BORA: variants seen among roughly 807,000 people sequenced by gnomAD.
BORA encodes the protein protein aurora borealis.
A neutral mutation model predicts 55.8 loss-of-function variants in BORA; 26 were observed. The observed-to-expected ratio is 0.47, with a 90% CI of 0.34 to 0.65. The LOEUF (loss-of-function observed/expected upper bound fraction) is 0.65, where lower values mean the gene tolerates loss of function less well. Among genes scored for constraint, BORA ranks in the 30% least tolerant of loss-of-function variants. BORA has a pLI of 0.01. For synonymous variants in BORA, 201 were observed against 216.9 expected (o/e 0.93, Z 0.64); for missense variants, 568 against 671.5 (o/e 0.85, Z 1.70).
chr13:72,727,948 C>T lies in BORA; in HGVS notation c.-75C>T, dbSNP rs1208702049. 7.7e-6 allele frequency: 12 copies of T among 1,550,632 alleles called. No individual in the cohort carries two copies. Among genetic ancestry groups the T allele is most frequent in the Non-Finnish European group, 1.0e-5 (12 of 1,146,992 alleles). On this transcript the variant is annotated 5_prime_UTR_variant, in exon 1 of 12. Coordinates refer to ENST00000390667, the MANE Select transcript of BORA (RefSeq NM_024808.5). ...AAAGAGTCTATGCCTGTCGTGGAAG[C>T]TGGCCTGGCCCCCGGAGCTCCCTGG...
chr13:72,739,759 G>A (rs1355439719), intron 5 of BORA, among the ~76,000 whole-genome samples: 1 of 152,072 alleles, frequency 6.6e-6, no homozygotes, highest in Non-Finnish European at 1.5e-5. Context: ...CCATGATTAG[G>A]AGAGACACAA....
chr13:72,735,490 G>C (rs8002241), intron 4 of BORA, among the ~76,000 whole-genome samples: 63 of 152,094 alleles, frequency 4.1e-4, no homozygotes, highest in African/African-American at 1.5e-3. Flanking sequence ...ATCTCTTACT[G>C]TTAAACAGGA....
chr13:72,741,835 G>A (rs920608432), intron 5 of BORA, among the ~76,000 whole-genome samples: 2 of 152,278 alleles, frequency 1.3e-5, no homozygotes, highest in Admixed American at 1.3e-4. Flanking sequence ...GGGGAGAAAA[G>A]GCAGGGAGGA....
intron 3 of BORA, among the ~76,000 whole-genome samples, chr13:72,733,371 A>G (rs940470381): frequency 2.0e-5 from 3 of 152,320 alleles, no homozygotes; most frequent in African/African-American, 7.2e-5. Context: ...GCAAAGGCTC[A>G]ACATTCAGGC....
chr13:72,746,913 A>G lies in BORA; in HGVS notation c.1284A>G (p.Lys428=), dbSNP rs1246513610. 1.2e-6 allele frequency: 2 copies of G among 1,614,142 alleles called. No homozygotes were observed. Among genetic ancestry groups the G allele is most frequent in the Non-Finnish European group, 1.7e-6 (2 of 1,179,996 alleles). The part of the protein sequence containing the change: ...LALLQDVERE[K]DNNTVDMVDP... ...TGTTGCAGGATGTTGAAAGGGAGAA[A>G]GACAATAACACTGTGGATATGGTTG... The change falls in exon 10 of 12, where the codon AAA becomes AAG. Residue 428 remains lysine, a synonymous_variant. Coordinates refer to ENST00000390667, the MANE Select transcript of BORA (RefSeq NM_024808.5).
rs531119727 is a variant in BORA, at chr13:72,754,314, CTT to C, written c.1614+507_1614+508del. 1.5e-3 allele frequency: 209 copies of C among 140,834 alleles called. 1 individual carries two copies. Among genetic ancestry groups the C allele is most frequent in the Middle Eastern group, 3.4e-3 (1 of 292 alleles). 8.7% of individuals were successfully genotyped at this position (140,834 alleles called of 1,614,324 possible). A position where few individuals can be genotyped will look rare whatever the true frequency, so the allele number is the denominator to read the frequency against. ...GCCTTGTATGCCGTTTCTTTTTTTT[CTT>C]TTTTTTTTTTTTTGAGACAGGGTCT... On this transcript the variant is annotated intron_variant, in intron 11 of 11. Coordinates refer to ENST00000390667, the MANE Select transcript of BORA (RefSeq NM_024808.5).
intron 8 of BORA, 113 bp downstream of exon 8, chr13:72,745,320 C>A: frequency 1.2e-6 from 1 of 860,492 alleles, no homozygotes; most frequent in Non-Finnish European, 1.8e-6. Context: ...TGCTTTCTGT[C>A]TCTAGTAAAT....
intron 8 of BORA, 64 bp from the exon 9 acceptor site, chr13:72,745,880 C>A: frequency 7.2e-7 from 1 of 1,382,486 alleles, no homozygotes; most frequent in Non-Finnish European, 9.8e-7. Flanking sequence ...TGATAAATAG[C>A]ATGCAGCATA....
At chr13:72,740,388 G>A (rs947699284) in intron 5 of BORA, among the ~76,000 whole-genome samples, 3 of 152,120 alleles carry the variant, frequency 2.0e-5, no homozygotes, top group Admixed American at 6.5e-5. Flanking sequence ...TTGCCAAGTT[G>A]GGTAGAATCT....
chr13:72,755,374 A>G lies in BORA; in HGVS notation c.*158A>G. On this transcript the variant is annotated 3_prime_UTR_variant, in exon 12 of 12. Transcript: ENST00000390667. Reference sequence around the variant, plus strand: ...AAATCAAGGGCTTACTGACATAGGAACAACAGAAATGCTCCTGGAACTTCA... The same window carrying G: ...AAATCAAGGGCTTACTGACATAGGAGCAACAGAAATGCTCCTGGAACTTCA... The G allele has an allele frequency of 1.8e-6, 1 of 560,846 alleles. No individual in the cohort carries two copies. Among genetic ancestry groups the G allele is most frequent in the Non-Finnish European group, 3.1e-6 (1 of 322,006 alleles). 34.7% of individuals were successfully genotyped at this position (560,846 alleles called of 1,614,324 possible).
At chr13:72,747,794 A>G (rs1232675285) in intron 10 of BORA, among the ~76,000 whole-genome samples, 1 of 152,058 alleles carries the variant, frequency 6.6e-6, no homozygotes, top group Non-Finnish European at 1.5e-5. Context: ...CAGCCTCCCA[A>G]AGTGCTGGGA....
At chr13:72,728,236 C>G (rs770130918) in intron 1 of BORA, 1 of 713,904 alleles carries the variant, frequency 1.4e-6, no homozygotes, top group African/African-American at 1.7e-5. Context: ...CAGAAGTAGA[C>G]TCTTTTCCAC....
chr13:72,742,038 A>G (rs1237228357), intron 5 of BORA, among the ~76,000 whole-genome samples: 2 of 152,196 alleles, frequency 1.3e-5, no homozygotes, highest in Non-Finnish European at 2.9e-5. Flanking sequence ...CAGAGAGAGT[A>G]TTGATTACAT....
At chr13:72,734,694 A>G (rs1169628999) in intron 3 of BORA, among the ~76,000 whole-genome samples, 3 of 152,206 alleles carry the variant, frequency 2.0e-5, no homozygotes, top group Admixed American at 2.0e-4. Context: ...TTTAATATCA[A>G]TGTAAGTCTT....
At chr13:72,752,931 G>A (rs2033316973) in intron 10 of BORA, 1 of 152,186 alleles carries the variant, frequency 6.6e-6, no homozygotes, top group Admixed American at 6.5e-5. Flanking sequence ...GCATTATACA[G>A]GTAAATGGAG....
intron 3 of BORA, among the ~76,000 whole-genome samples, chr13:72,732,323 T>C (rs188974545): frequency 3.8e-4 from 58 of 152,248 alleles, no homozygotes; most frequent in Middle Eastern, 6.8e-3. Flanking sequence ...CCCAGAGTGT[T>C]AATAGGAAGG....
intron 9 of BORA, among the ~76,000 whole-genome samples, 156 bp from the exon 10 acceptor site, chr13:72,746,345 G>A (rs1450116098): frequency 6.6e-6 from 1 of 152,146 alleles, no homozygotes; most frequent in Non-Finnish European, 1.5e-5. Flanking sequence ...TTCCATTTGT[G>A]CTATTGTTTT....
At chr13:72,732,645 C>G (rs2032843355) in intron 3 of BORA, among the ~76,000 whole-genome samples, 2 of 152,064 alleles carry the variant, frequency 1.3e-5, no homozygotes, top group Non-Finnish European at 2.9e-5. Context: ...CCATTGCACT[C>G]TAGCCTGGGG....
chr13:72,756,056 T>A lies in BORA; in HGVS notation c.*840T>A, dbSNP rs1002049601. On this transcript the variant is annotated 3_prime_UTR_variant, in exon 12 of 12. Transcript: ENST00000390667. The stretch of plus-strand genomic sequence containing the variant: ...TGTATGTTATATACAACTATTTTTT[T>A]AAAAAACTTATATCCATGTTGGGAG... 43 of 396,948 alleles carry A rather than the reference T, an allele frequency of 1.1e-4. No individual in the cohort carries two copies. Among genetic ancestry groups the A allele is most frequent in the Non-Finnish European group, 1.7e-4 (39 of 225,424 alleles). The allele number at this position is 396,948 out of a possible 1,614,324, so 24.6% of individuals were successfully genotyped here.
Sources: allele counts gnomAD v4.1 joint callset (sites outside exome capture counted in the v4.1 genomes callset), GRCh38; gene constraint gnomAD v4.1.1; transcripts MANE v1.5; gene names NCBI Gene and HGNC (gene_info 2026-07-23, HGNC 2026-07-21).